ZNF804B: variants seen among roughly 807,000 people sequenced by gnomAD.
ZNF804B encodes the protein zinc finger protein 804B.
ZNF804B carries 80 observed loss-of-function variants against 101.4 expected under a neutral mutation model. That is an observed-to-expected ratio of 0.79 (90% CI 0.66 to 0.95). ZNF804B has a LOEUF of 0.95. ZNF804B is among the 40% of genes least tolerant of loss of function. ZNF804B has a pLI of 0.00. For missense variants in ZNF804B, 1,673 were observed against 1,561.9 expected, an observed-to-expected ratio of 1.07 and a Z score of -1.20; for synonymous variants, 622 against 558.8, an observed-to-expected ratio of 1.11 and a Z score of -1.59.
chr7:89,114,080 G>T (rs1790272139), intron 1 of ZNF804B, among the ~76,000 whole-genome samples: 1 of 152,102 alleles, frequency 6.6e-6, no homozygotes, highest in Non-Finnish European at 1.5e-5. Context: ...CAAGCTTGAT[G>T]TTTAAACCTT....
intron 1 of ZNF804B, among the ~76,000 whole-genome samples, chr7:88,815,186 A>C (rs974651319): frequency 7.4e-5 from 11 of 147,818 alleles, no homozygotes; most frequent in African/African-American, 2.4e-4. Context: ...AAATATATAA[A>C]ATATATATTT....
At chr7:88,876,209 C>A (rs1791937352) in intron 1 of ZNF804B, among the ~76,000 whole-genome samples, 1 of 152,130 alleles carries the variant, frequency 6.6e-6, no homozygotes, top group Non-Finnish European at 1.5e-5. Context: ...ACCATAGCAA[C>A]CTCTGGGACT....
At chr7:89,074,918 T>C (rs1269210827) in intron 1 of ZNF804B, among the ~76,000 whole-genome samples, 1 of 152,148 alleles carries the variant, frequency 6.6e-6, no homozygotes, top group Non-Finnish European at 1.5e-5. Context: ...AGGTAACTCT[T>C]CTTATGTTTT....
intron 1 of ZNF804B, among the ~76,000 whole-genome samples, chr7:89,126,346 A>G (rs759662207): frequency 1.7e-4 from 26 of 151,990 alleles, no homozygotes; most frequent in Non-Finnish European, 2.8e-4. Context: ...AACCACAGCC[A>G]TGGGAGAAAT....
chr7:89,254,900 C>A (rs1413513944), intron 2 of ZNF804B, among the ~76,000 whole-genome samples: 1 of 152,108 alleles, frequency 6.6e-6, no homozygotes, highest in Non-Finnish European at 1.5e-5. Context: ...CCCACCTTGG[C>A]CTCCCAAAGT....
rs188551056 is a variant in ZNF804B at position 88,820,054 on chromosome 7, G to A, written c.108+59970G>A. Among the ~76,000 whole-genome samples, 863 of 152,198 alleles carry A rather than the reference G, an allele frequency of 5.7e-3. 5 individuals are homozygous for A. The highest frequency in any genetic ancestry group is 0.02 in the African/African-American group (825 of 41,532). ...CTACTCAAATGCTGTGCCCTGAAAG[G>A]ACAAGATAATAAATAAAGATATATA... On this transcript the variant is annotated intron_variant, in intron 1 of 3. Coordinates refer to ENST00000333190, the MANE Select transcript of ZNF804B (RefSeq NM_181646.5).
chr7:88,813,422 C>CT (rs1359218301), intron 1 of ZNF804B, among the ~76,000 whole-genome samples: 3 of 99,678 alleles, frequency 3.0e-5, no homozygotes, highest in African/African-American at 4.8e-5. Flanking sequence ...GAGACTCCAT[C>CT]TAAAAAAAAA....
chr7:88,814,423 A>G (rs1267392017), intron 1 of ZNF804B, among the ~76,000 whole-genome samples: 3 of 149,226 alleles, frequency 2.0e-5, no homozygotes, highest in Non-Finnish European at 4.5e-5. Context: ...ATATGAACCA[A>G]TCACTGTCTC....
intron 1 of ZNF804B, among the ~76,000 whole-genome samples, chr7:89,155,080 T>C (rs951480192): frequency 5.9e-5 from 9 of 152,148 alleles, no homozygotes; most frequent in Admixed American, 5.9e-4. Flanking sequence ...AAAATCCATA[T>C]ATCTTATTGT....
intron 1 of ZNF804B, among the ~76,000 whole-genome samples, chr7:88,907,997 A>G (rs1282261606): frequency 6.6e-6 from 1 of 151,934 alleles, no homozygotes; most frequent in African/African-American, 2.4e-5. Flanking sequence ...GGGAACAAGC[A>G]TTCTTGCTGA....
chr7:89,228,765 C>T (rs1166778828), intron 2 of ZNF804B, among the ~76,000 whole-genome samples: 1 of 152,206 alleles, frequency 6.6e-6, no homozygotes, highest in African/African-American at 2.4e-5. Context: ...ACCATGCGCC[C>T]ACACTCCTCA....
At chr7:89,083,275 T>A (rs1789724333) in intron 1 of ZNF804B, among the ~76,000 whole-genome samples, 1 of 151,834 alleles carries the variant, frequency 6.6e-6, no homozygotes, top group Non-Finnish European at 1.5e-5. Context: ...TATTACAAGA[T>A]TTTTGGAATG....
At chr7:89,193,470 A>G (rs991130524) in intron 1 of ZNF804B, among the ~76,000 whole-genome samples, 1 of 64,060 alleles carries the variant, frequency 1.6e-5, no homozygotes, top group Non-Finnish European at 2.9e-5. Context: ...CCCTCCCCCC[A>G]CCCCACAACA....
At chr7:89,303,659 T>C (rs1790517424) in intron 2 of ZNF804B, among the ~76,000 whole-genome samples, 1 of 151,942 alleles carries the variant, frequency 6.6e-6, no homozygotes, top group South Asian at 2.1e-4. Context: ...AGCAAAAGTT[T>C]TGGCATTATA....
chr7:89,313,503 C>A (rs936696013), intron 2 of ZNF804B, among the ~76,000 whole-genome samples: 1 of 152,232 alleles, frequency 6.6e-6, no homozygotes, highest in East Asian at 1.9e-4. Flanking sequence ...GACTGGTAAG[C>A]AATGATATTG....
At chr7:88,837,621 T>C (rs1414304503) in intron 1 of ZNF804B, among the ~76,000 whole-genome samples, 1 of 151,928 alleles carries the variant, frequency 6.6e-6, no homozygotes, top group East Asian at 1.9e-4. Flanking sequence ...AGATTGCACA[T>C]TGTAATGAAG....
intron 1 of ZNF804B, among the ~76,000 whole-genome samples, chr7:88,962,716 T>C (rs1464526442): frequency 2.9e-4 from 21 of 72,530 alleles, no homozygotes; most frequent in South Asian, 2.2e-3. Flanking sequence ...CACATATATA[T>C]ATATATATAT....
chr7:89,191,566 G>A (rs1788455611), intron 1 of ZNF804B, among the ~76,000 whole-genome samples: 1 of 152,004 alleles, frequency 6.6e-6, no homozygotes, highest in Non-Finnish European at 1.5e-5. Context: ...TGACTAGAGG[G>A]TATCGATTAA....
In ZNF804B at chr7:89,334,852, G is replaced by A; in HGVS notation, c.1870G>A (p.Asp624Asn). ...RKAVLNDIDE[D>N]LSFPSYISRF... ...GGCAGTTCTAAATGATATAGATGAG[G>A]ACCTATCTTTTCCTTCCTACATCTC... Residue 624 changes from aspartate (D) to asparagine (N), a missense_variant, in exon 4 of 4, where the codon GAC (aspartate) becomes AAC (asparagine). Coordinates refer to ENST00000333190, the MANE Select transcript of ZNF804B (RefSeq NM_181646.5). 6.2e-7 allele frequency: 1 copy of A among 1,613,762 alleles called. No individual in the cohort carries two copies. Among genetic ancestry groups the A allele is most frequent in the Non-Finnish European group, 8.5e-7 (1 of 1,179,852 alleles).
Sources: gnomAD v4.1 joint callset for allele counts (sites outside exome capture counted in the v4.1 genomes callset) on GRCh38, gnomAD v4.1.1 for gene constraint, MANE v1.5 for transcripts, NCBI Gene and HGNC (gene_info 2026-07-23, HGNC 2026-07-21) for gene names.